APP: variants seen among roughly 807,000 people sequenced by gnomAD.
APP encodes amyloid-beta precursor protein.
Under a neutral mutation model 101.4 loss-of-function variants are expected in APP, and 31 were observed. The ratio of observed to expected loss-of-function variants is 0.31; its 90% CI spans 0.23 to 0.41. APP has a LOEUF of 0.41. APP is among the 10% of genes least tolerant of loss of function. The probability of loss-of-function intolerance (pLI) is 1.00; values close to 1 mark genes in which losing one functional copy is unlikely to be tolerated. For synonymous variants in APP, 366 were observed against 364.4 expected (o/e 1.00, Z -0.05); for missense variants, 839 against 1,003.7 (o/e 0.84, Z 2.22).
chr21:25,894,477 A>G (rs1406518006), intron 16 of APP, among the ~76,000 whole-genome samples: 1 of 152,202 alleles, frequency 6.6e-6, no homozygotes, highest in Admixed American at 6.5e-5. Flanking sequence ...CATCAGCAAT[A>G]ACGGGAGTTT....
intron 2 of APP, among the ~76,000 whole-genome samples, chr21:26,098,081 G>GAAAAAAAAAA (rs757879199): frequency 1.8e-5 from 1 of 54,382 alleles, no homozygotes; most frequent in African/African-American, 6.3e-5. Flanking sequence ...CTCTGTCTCA[G>GAAAAAAAAAA]AAAAAAAAAA....
chr21:25,959,644 T>C (rs1001448535), intron 11 of APP, among the ~76,000 whole-genome samples: 1 of 152,188 alleles, frequency 6.6e-6, no homozygotes, highest in Non-Finnish European at 1.5e-5. Context: ...GTTTCTGGAG[T>C]TCCATTATTC....
At chr21:25,881,811 A>T (rs745468577) in intron 17 of APP, 40 bp from the exon 18 acceptor site, 1 of 1,585,356 alleles carries the variant, frequency 6.3e-7, no homozygotes, top group East Asian at 2.2e-5. Flanking sequence ...AATAAAAATC[A>T]ATCTTTTAAG....
intron 2 of APP, among the ~76,000 whole-genome samples, chr21:26,090,624 G>C (rs2061803719): frequency 6.6e-6 from 1 of 152,114 alleles, no homozygotes; most frequent in African/African-American, 2.4e-5. Context: ...ACAAGCATGG[G>C]GTGATTTTTG....
chr21:25,917,021 G>A (rs375797987), intron 13 of APP, among the ~76,000 whole-genome samples: 7 of 152,272 alleles, frequency 4.6e-5, no homozygotes, highest in African/African-American at 7.2e-5. Flanking sequence ...CTAGCACTTT[G>A]GGAGGCCGAG....
chr21:26,006,378 A>G (rs1601185147), intron 6 of APP, among the ~76,000 whole-genome samples: 1 of 152,218 alleles, frequency 6.6e-6, no homozygotes, highest in Admixed American at 6.5e-5. Context: ...ACAAAATGCC[A>G]TTTACTACAC....
At chr21:25,972,196 T>C (rs920451632) in intron 11 of APP, among the ~76,000 whole-genome samples, 1 of 152,220 alleles carries the variant, frequency 6.6e-6, no homozygotes, top group Non-Finnish European at 1.5e-5. Context: ...GTTAAATTTC[T>C]ATATACAACA....
rs529782627 is a variant in APP, at chr21:26,112,051, C to A, written c.153G>T (p.Lys51Asn). 1.9e-6 allele frequency: 3 copies of A among 1,614,164 alleles called. No homozygotes were observed. The South Asian group carries it at 3.3e-5, about 18-fold the overall frequency. Residue 51 changes from lysine to asparagine, a missense_variant, in exon 2 of 18, where the codon AAG becomes AAT. Coordinates refer to ENST00000346798, the MANE Select transcript of APP (RefSeq NM_000484.4). The part of the protein sequence containing the change: ...LNMHMNVQNG[K>N]WDSDPSGTKT... ...TGGTCCCTGATGGATCTGAATCCCA[C>A]TTCCCATTCTGGACATTCATGTGCA...
intron 16 of APP, among the ~76,000 whole-genome samples, chr21:25,893,623 G>C (rs2037837243): frequency 6.6e-6 from 1 of 152,220 alleles, no homozygotes; most frequent in Non-Finnish European, 1.5e-5. Flanking sequence ...GCCCACAACT[G>C]TCTTCAATTC....
At chr21:25,890,330 T>C (rs2037608002) in intron 17 of APP, among the ~76,000 whole-genome samples, 1 of 152,202 alleles carries the variant, frequency 6.6e-6, no homozygotes, top group Non-Finnish European at 1.5e-5. Context: ...TCACCACAAA[T>C]TTCATTTATT....
intron 3 of APP, among the ~76,000 whole-genome samples, chr21:26,062,919 T>C (rs1453173610): frequency 6.6e-6 from 1 of 152,054 alleles, no homozygotes; most frequent in African/African-American, 2.4e-5. Flanking sequence ...CATGCTACCA[T>C]GACCAGCAAT....
intron 16 of APP, among the ~76,000 whole-genome samples, chr21:25,894,161 T>C (rs772604845): frequency 6.6e-6 from 1 of 152,148 alleles, no homozygotes; most frequent in Non-Finnish European, 1.5e-5. Flanking sequence ...TTTCAAAATA[T>C]TACTGCTCAC....
chr21:26,011,103 CTCAG>C (rs1321586107), intron 6 of APP, among the ~76,000 whole-genome samples: 1 of 151,924 alleles, frequency 6.6e-6, no homozygotes, highest in African/African-American at 2.4e-5. Context: ...GAGACGGCAT[CTCAG>C]TCTGTCTGCC....
At chr21:25,999,518 A>G (rs937073813) in intron 7 of APP, among the ~76,000 whole-genome samples, 2 of 152,140 alleles carry the variant, frequency 1.3e-5, no homozygotes, top group Non-Finnish European at 2.9e-5. Context: ...ACAATAAAAG[A>G]CATGTTATGA....
intron 6 of APP, among the ~76,000 whole-genome samples, chr21:26,004,791 TCCCTCCCCCAACCC>T (rs922294252): frequency 6.7e-6 from 1 of 149,784 alleles, no homozygotes; most frequent in Non-Finnish European, 1.5e-5. Flanking sequence ...CCTGATGCTT[TCCCTCCCCCAACCC>T]CCCACCCCCC....
intron 11 of APP, among the ~76,000 whole-genome samples, chr21:25,958,544 T>C (rs1299330560): frequency 9.5e-6 from 1 of 104,816 alleles, no homozygotes; most frequent in Non-Finnish European, 1.9e-5. Flanking sequence ...CCCAAAGTGC[T>C]AGGATTACAG....
intron 2 of APP, among the ~76,000 whole-genome samples, chr21:26,092,718 G>T (rs1229669362): frequency 6.6e-6 from 1 of 152,178 alleles, no homozygotes; most frequent in African/African-American, 2.4e-5. Flanking sequence ...TTCATCGATT[G>T]TAACAAATGT....
At chr21:25,982,208 C>T in intron 9 of APP, 136 bp downstream of exon 9, 2 of 1,008,852 alleles carry the variant, frequency 2.0e-6, no homozygotes, top group Non-Finnish European at 3.1e-6. Context: ...TGTGCCCACA[C>T]AGTAAACATT....
chr21:25,888,828 T>TA (rs1489576525), intron 17 of APP, among the ~76,000 whole-genome samples: 1 of 152,190 alleles, frequency 6.6e-6, no homozygotes, highest in Non-Finnish European at 1.5e-5. Flanking sequence ...GGCAACCGGT[T>TA]ATCTGGGAGG....
Sources: gnomAD v4.1 joint callset for allele counts (sites outside exome capture counted in the v4.1 genomes callset) on GRCh38, gnomAD v4.1.1 for gene constraint, MANE v1.5 for transcripts, NCBI Gene and HGNC (gene_info 2026-07-23, HGNC 2026-07-21) for gene names.